The following PER3 variants were observed in gnomAD, a reference collection of about 807,000 sequenced individuals.
PER3 encodes period circadian protein homolog 3.
A neutral mutation model predicts 127.2 loss-of-function variants in PER3; 107 were observed. The observed-to-expected ratio is 0.84, with a 90% CI of 0.72 to 0.99. The LOEUF (loss-of-function observed/expected upper bound fraction) is 0.99, where lower values mean the gene tolerates loss of function less well. Among genes scored for constraint, PER3 ranks in the 50% least tolerant of loss-of-function variants. The pLI is 0.00. For synonymous variants in PER3, 618 were observed against 585.8 expected (o/e 1.05, Z -0.79); for missense variants, 1,560 against 1,525.8 (o/e 1.02, Z -0.37).
In PER3 at chr1:7,801,206, A is replaced by C. The variant is rs1473145465; in HGVS notation, c.872+15A>C. On this transcript the variant is annotated intron_variant, in intron 8 of 21. Coordinates refer to ENST00000377532, the MANE Select transcript of PER3 (RefSeq NM_001377275.1). ...GTAGATGAAAAGTAAGTACTTCTTT[A>C]AGCCTAAAAGAAATTTGTTTCTGAA... 7.3e-7 allele frequency: 1 copy of C among 1,375,274 alleles called. No homozygotes were observed. Among genetic ancestry groups the C allele is most frequent in the African/African-American group, 1.5e-5 (1 of 68,958 alleles). The allele number at this position is 1,375,274 out of a possible 1,614,324, so 85.2% of individuals were successfully genotyped here.
At chr1:7,831,836 T>C (rs1367051546) in intron 19 of PER3, among the ~76,000 whole-genome samples, 1 of 152,250 alleles carries the variant, frequency 6.6e-6, no homozygotes, top group Non-Finnish European at 1.5e-5. Flanking sequence ...TATTGGTCCA[T>C]TTACTTTCTT....
intron 10 of PER3, 196 bp downstream of exon 10, chr1:7,804,044 C>CTG: frequency 2.3e-6 from 1 of 430,274 alleles, no homozygotes; most frequent in Non-Finnish European, 4.1e-6. Flanking sequence ...CTTAAAGTAG[C>CTG]TTAAATATCC....
rs540174835 is a variant in PER3, at chr1:7,825,296, A to T, written c.1958-1184A>T. On this transcript the variant is annotated intron_variant, in intron 16 of 21. Transcript: ENST00000377532. ...TTTTAGAAGCAACCCCAAAATAGAT[A>T]CAACTATTCTATATCAATAAAAGAA... is the stretch of plus-strand genomic sequence containing the variant. 8.1e-4 allele frequency among the ~76,000 whole-genome samples: 124 copies of T among 152,338 alleles called. 1 individual carries two copies. The highest frequency in any genetic ancestry group is 2.8e-3 in the African/African-American group (117 of 41,574).
intron 8 of PER3, among the ~76,000 whole-genome samples, chr1:7,802,604 T>C (rs553034130): frequency 6.6e-6 from 1 of 152,182 alleles, no homozygotes; most frequent in African/African-American, 2.4e-5. Context: ...TTATGCTGTA[T>C]GAATTAGCAA....
chr1:7,789,085 T>A (rs2097106061), intron 5 of PER3, among the ~76,000 whole-genome samples: 1 of 151,828 alleles, frequency 6.6e-6, no homozygotes, highest in South Asian at 2.1e-4. Flanking sequence ...TATTTCTTTT[T>A]AGTCATCCTT....
intron 19 of PER3, among the ~76,000 whole-genome samples, chr1:7,834,442 T>C (rs1300096947): frequency 6.6e-6 from 1 of 152,182 alleles, no homozygotes; most frequent in African/African-American, 2.4e-5. Context: ...AGTTGTTTTG[T>C]GTGAGTGTTT....
At chr1:7,801,691 T>G (rs1043154951) in intron 8 of PER3, among the ~76,000 whole-genome samples, 2 of 152,224 alleles carry the variant, frequency 1.3e-5, no homozygotes, top group Non-Finnish European at 2.9e-5. Context: ...TCCTTCCTAC[T>G]TTTGGGGGAT....
intron 7 of PER3, among the ~76,000 whole-genome samples, chr1:7,800,063 C>T (rs2097163595): frequency 6.6e-6 from 1 of 152,086 alleles, no homozygotes; most frequent in Non-Finnish European, 1.5e-5. Flanking sequence ...TAGATGTGAG[C>T]CATCAGACCT....
intron 13 of PER3, among the ~76,000 whole-genome samples, chr1:7,812,747 C>T (rs1231819435): frequency 1.3e-5 from 2 of 151,726 alleles, no homozygotes; most frequent in Non-Finnish European, 2.9e-5. Flanking sequence ...TCTAATAGCA[C>T]ACACAGGATG....
chr1:7,843,753 C>T lies in PER3; in HGVS notation c.*998C>T, dbSNP rs942175265. The T allele has an allele frequency of 8.2e-6, 2 of 243,412 alleles. No individual in the cohort carries two copies. The highest frequency in any genetic ancestry group is 7.0e-5 in the South Asian group (1 of 14,186). 15.1% of individuals were successfully genotyped at this position (243,412 alleles called of 1,614,324 possible). Reference sequence around the variant, plus strand: ...GTTGTGGGGACTGCAAAAGAGAAAACGTCCAGGCGAGCCCAGTTGTCCTCG... The same window carrying T: ...GTTGTGGGGACTGCAAAAGAGAAAATGTCCAGGCGAGCCCAGTTGTCCTCG... On this transcript the variant is annotated 3_prime_UTR_variant, in exon 22 of 22. Coordinates refer to ENST00000377532, the MANE Select transcript of PER3 (RefSeq NM_001377275.1).
intron 8 of PER3, among the ~76,000 whole-genome samples, chr1:7,801,587 T>C (rs1054734093): frequency 7.2e-5 from 11 of 152,150 alleles, no homozygotes; most frequent in Non-Finnish European, 1.6e-4. Flanking sequence ...CTCAAATCAG[T>C]TTATGATGAA....
At chr1:7,789,440 CTT>C (rs549668044) in intron 5 of PER3, among the ~76,000 whole-genome samples, 1 of 152,196 alleles carries the variant, frequency 6.6e-6, no homozygotes, top group Non-Finnish European at 1.5e-5. Flanking sequence ...AGCTCTCTCT[CTT>C]TGCCTGCTGC....
rs939037896 is a variant in PER3 at position 7,808,263 on chromosome 1, G to A, written c.1137-630G>A. On this transcript the variant is annotated intron_variant, in intron 10 of 21. Coordinates refer to ENST00000377532, the MANE Select transcript of PER3 (RefSeq NM_001377275.1). ...AAAAAAAAAAAAAAAAAAAAAACTA[G>A]TATAGTACAGTGCCTGTCACATAGA... Among the ~76,000 whole-genome samples, 6 of 126,024 alleles carry A rather than the reference G, an allele frequency of 4.8e-5. 1 individual carries two copies. The highest frequency in any genetic ancestry group is 2.7e-4 in the South Asian group (1 of 3,692). 82.7% of individuals were successfully genotyped at this position (126,024 alleles called of 152,430 possible). A position where few individuals can be genotyped will look rare whatever the true frequency, so the allele number is the denominator to read the frequency against.
chr1:7,817,379 A>G (rs950053146), intron 13 of PER3, among the ~76,000 whole-genome samples: 2 of 152,196 alleles, frequency 1.3e-5, no homozygotes, highest in African/African-American at 4.8e-5. Flanking sequence ...AAACACACGG[A>G]AGGGGTGGGG....
intron 16 of PER3, among the ~76,000 whole-genome samples, chr1:7,823,535 A>C (rs2097287484): frequency 6.6e-6 from 1 of 151,986 alleles, no homozygotes; most frequent in Non-Finnish European, 1.5e-5. Context: ...CCAGCTACTC[A>C]GGAGGCTGAG....
Position 7,803,146 on chromosome 1 carries a change from C to T in PER3, c.972C>T (p.His324=). The T allele has an allele frequency of 1.3e-6, 2 of 1,586,394 alleles. No homozygotes were observed. Among genetic ancestry groups the T allele is most frequent in the Non-Finnish European group, 1.7e-6 (2 of 1,154,836 alleles). The change falls in exon 9 of 22, where the codon CAC becomes CAT. Residue 324 remains histidine, a synonymous_variant. Transcript: ENST00000377532. ...ATCGTTCTCTGATGGTTGCCATACA[C>T]CAAAAAGGTCAGGACCTACTCCTTT... ...PEDRSLMVAI[H]QKVLKYAGHP...
At chr1:7,822,701 G>C (rs1282423405) in intron 16 of PER3, among the ~76,000 whole-genome samples, 3 of 152,162 alleles carry the variant, frequency 2.0e-5, no homozygotes, top group African/African-American at 7.2e-5. Flanking sequence ...AACCAAATAA[G>C]ATAATAGCTC....
intron 19 of PER3, among the ~76,000 whole-genome samples, chr1:7,832,524 C>A (rs2097336675): frequency 1.3e-5 from 2 of 151,684 alleles, no homozygotes; most frequent in Non-Finnish European, 2.9e-5. Context: ...CGGGTGCCCG[C>A]CACCACACCC....
chr1:7,834,520 A>G (rs532516131), intron 19 of PER3, among the ~76,000 whole-genome samples: 6 of 152,258 alleles, frequency 3.9e-5, no homozygotes, highest in Admixed American at 1.3e-4. Context: ...CACTGATGCA[A>G]TCATAGCTCA....
Sources: allele counts gnomAD v4.1 joint callset (sites outside exome capture counted in the v4.1 genomes callset), GRCh38; gene constraint gnomAD v4.1.1; transcripts MANE v1.5; gene names NCBI Gene and HGNC (gene_info 2026-07-23, HGNC 2026-07-21).